Variants in LNX1 observed in about 807,000 individuals in gnomAD.
LNX1 encodes ligand of numb-protein X 1.
In LNX1, 54 loss-of-function variants were observed where a neutral mutation model predicts 68.4. That is an observed-to-expected ratio of 0.79 (90% CI 0.63 to 0.99). LNX1 has a LOEUF of 0.99. LNX1 is among the 50% of genes least tolerant of loss of function. The pLI is 0.00. For missense variants in LNX1, 906 were observed against 926.4 expected, an observed-to-expected ratio of 0.98 and a Z score of 0.29; for synonymous variants, 336 against 350.0, an observed-to-expected ratio of 0.96 and a Z score of 0.45.
intron 9 of LNX1, among the ~76,000 whole-genome samples, chr4:53,467,560 T>C (rs1225474572): frequency 2.6e-5 from 4 of 151,980 alleles, no homozygotes; most frequent in Admixed American, 6.6e-5. Context: ...AGGAGGAAGT[T>C]TGAACCAATG....
chr4:53,514,711 A>C (rs781284731), intron 2 of LNX1, among the ~76,000 whole-genome samples: 1 of 152,114 alleles, frequency 6.6e-6, no homozygotes. Context: ...TATCTACACT[A>C]ATCAGATGAC....
intron 2 of LNX1, among the ~76,000 whole-genome samples, chr4:53,538,661 A>C (rs1210791556): frequency 6.6e-6 from 1 of 152,160 alleles, no homozygotes; most frequent in Non-Finnish European, 1.5e-5. Flanking sequence ...CCTGAGTCTC[A>C]CTTGATTCAT....
intron 7 of LNX1, 148 bp from the exon 8 acceptor site, chr4:53,478,890 G>T (rs1723740050): frequency 1.3e-6 from 1 of 747,374 alleles, no homozygotes; most frequent in Non-Finnish European, 2.1e-6. Context: ...TACAATGGTG[G>T]TTCTTGAAAT....
chr4:53,489,373 A>G (rs1724533849), intron 6 of LNX1, among the ~76,000 whole-genome samples: 1 of 152,178 alleles, frequency 6.6e-6, no homozygotes, highest in Non-Finnish European at 1.5e-5. Flanking sequence ...ATGCAAAGAC[A>G]TTAATGATAA....
intron 1 of LNX1, among the ~76,000 whole-genome samples, chr4:53,630,813 A>C (rs1253428101): frequency 3.3e-5 from 5 of 152,218 alleles, no homozygotes; most frequent in African/African-American, 1.2e-4. Context: ...AGGAGCAATG[A>C]TTCAGAATTT....
intron 9 of LNX1, among the ~76,000 whole-genome samples, chr4:53,468,063 A>C (rs1485690598): frequency 6.6e-6 from 1 of 152,216 alleles, no homozygotes; most frequent in African/African-American, 2.4e-5. Flanking sequence ...GTTGAAATGA[A>C]GGAAAAAATG....
At chr4:53,544,554 G>T (rs1013017576) in intron 2 of LNX1, among the ~76,000 whole-genome samples, 4 of 152,190 alleles carry the variant, frequency 2.6e-5, no homozygotes, top group African/African-American at 9.7e-5. Context: ...AGGTTGAGCT[G>T]CTATCTGAGT....
At chr4:53,535,678 A>G (rs910611647) in intron 2 of LNX1, among the ~76,000 whole-genome samples, 1 of 152,244 alleles carries the variant, frequency 6.6e-6, no homozygotes, top group African/African-American at 2.4e-5. Context: ...AGCCAGGGAA[A>G]TGAGTTGAGT....
chr4:53,646,754 G>A (rs189881202), intron 1 of LNX1, among the ~76,000 whole-genome samples: 127 of 152,302 alleles, frequency 8.3e-4, no homozygotes, highest in Middle Eastern at 6.8e-3. Flanking sequence ...TCTCCAGTTG[G>A]AGCAACCACA....
intron 1 of LNX1, among the ~76,000 whole-genome samples, chr4:53,651,128 G>A (rs1225494310): frequency 6.6e-6 from 1 of 152,152 alleles, no homozygotes; most frequent in Non-Finnish European, 1.5e-5. Flanking sequence ...AATTCCTCAG[G>A]CTATGCTCCT....
chr4:53,480,138 G>C (rs1367605102), intron 7 of LNX1, among the ~76,000 whole-genome samples: 1 of 152,146 alleles, frequency 6.6e-6, no homozygotes, highest in Non-Finnish European at 1.5e-5. Flanking sequence ...ATTTTAGTAA[G>C]AATATAAAAA....
At position 53,631,033 on chromosome 4, in the gene LNX1, G is replaced by C. The variant is rs1000847953; in HGVS notation, c.-215+21135C>G. Among the ~76,000 whole-genome samples the C allele has an allele frequency of 3.5e-4, 53 of 152,252 alleles. 1 individual carries two copies. Among genetic ancestry groups the C allele is most frequent in the Non-Finnish European group, 2.9e-5 (2 of 68,044 alleles). ...AGGGGAAATGAGCCAGAACCTTGCAGTAAGTGCTCCTGGGCCAAAAGTACA... is the reference window on the plus strand; with the variant it reads ...AGGGGAAATGAGCCAGAACCTTGCACTAAGTGCTCCTGGGCCAAAAGTACA... On this transcript the variant is annotated intron_variant, in intron 1 of 2. Coordinates refer to the LNX1 transcript ENST00000507168.
At chr4:53,635,595 T>C (rs1342997708) in intron 1 of LNX1, among the ~76,000 whole-genome samples, 6 of 152,190 alleles carry the variant, frequency 3.9e-5, no homozygotes, top group African/African-American at 1.4e-4. Flanking sequence ...TATGCTTTAA[T>C]GTAAAAAATG....
chr4:53,460,441 A>G lies in LNX1; in HGVS notation c.*466T>C, dbSNP rs1409686238. ...AAAGTAATCTTAATTAGTATCACAT[A>G]CTAAAAGACAACTATAACTTCTGAA... On this transcript the variant is annotated 3_prime_UTR_variant, in exon 11 of 11. Coordinates refer to ENST00000263925, the MANE Select transcript of LNX1 (RefSeq NM_001126328.3). 5.2e-6 allele frequency: 1 copy of G among 191,298 alleles called. No individual in the cohort carries two copies. Among genetic ancestry groups the G allele is most frequent in the Non-Finnish European group, 1.1e-5 (1 of 91,762 alleles). The allele number at this position is 191,298 out of a possible 1,614,324, so 11.9% of individuals were successfully genotyped here.
At chr4:53,574,986 T>A (rs1731395931) in intron 1 of LNX1, among the ~76,000 whole-genome samples, 1 of 152,164 alleles carries the variant, frequency 6.6e-6, no homozygotes, top group Admixed American at 6.5e-5. Flanking sequence ...TATTTCGTTT[T>A]TTTTTTTTCT....
rs574231915 is a variant in LNX1 at position 53,492,201 on chromosome 4, T to C, written c.1350+3822A>G. On this transcript the variant is annotated intron_variant, in intron 6 of 10. Coordinates refer to ENST00000263925, the MANE Select transcript of LNX1 (RefSeq NM_001126328.3). ...AAATGGACACAATTCTTAGTAGAAT[T>C]GACAGTGAAGAGCTCTCTGACAGTT... 2.0e-5 allele frequency among the ~76,000 whole-genome samples: 3 copies of C among 152,236 alleles called. No individual in the cohort carries two copies. The South Asian group carries it at 6.2e-4, about 32-fold the overall frequency.
chr4:53,470,966 T>C (rs1390484568), intron 9 of LNX1, among the ~76,000 whole-genome samples: 1 of 151,026 alleles, frequency 6.6e-6, no homozygotes, highest in Non-Finnish European at 1.5e-5. Context: ...CCAATGACTT[T>C]CTTCACAGAA....
intron 1 of LNX1, among the ~76,000 whole-genome samples, chr4:53,639,205 ATTC>A (rs1734587687): frequency 6.6e-6 from 1 of 152,216 alleles, no homozygotes; most frequent in Non-Finnish European, 1.5e-5. Flanking sequence ...GCTGGAGGCC[ATTC>A]TTCTCATTGA....
chr4:53,508,110 T>G lies in LNX1; in HGVS notation c.498A>C (p.Ala166=). Reference sequence around the variant, plus strand: ...CTGTCATTAAGGAGATGGTGGCAGCTGCAGAAACCTCTGGGGAGGGAGCCG... The same window carrying G: ...CTGTCATTAAGGAGATGGTGGCAGCGGCAGAAACCTCTGGGGAGGGAGCCG... ...TATAPSPEVS[A]AATISLMTDE... Residue 166 remains alanine (A), a synonymous_variant, in exon 3 of 11, where the codon GCA becomes GCC. Transcript: ENST00000263925. The G allele has an allele frequency of 1.2e-6, 2 of 1,614,150 alleles. No individual in the cohort carries two copies. The highest frequency in any genetic ancestry group is 2.2e-5 in the South Asian group (2 of 91,084).
Sources: allele counts gnomAD v4.1 joint callset (sites outside exome capture counted in the v4.1 genomes callset), GRCh38; gene constraint gnomAD v4.1.1; transcripts MANE v1.5; gene names NCBI Gene and HGNC (gene_info 2026-07-23, HGNC 2026-07-21).